The following TAS1R1 variants were observed in gnomAD, a reference collection of about 807,000 sequenced individuals.
TAS1R1 encodes the protein taste receptor type 1 member 1.
Under a neutral mutation model 45.8 loss-of-function variants are expected in TAS1R1, and 31 were observed. That is an observed-to-expected ratio of 0.68 (90% CI 0.51 to 0.91). The LOEUF is 0.91. Among genes scored for constraint, TAS1R1 ranks in the 40% least tolerant of loss-of-function variants. The pLI, the probability that TAS1R1 is intolerant of heterozygous loss-of-function variation, is 0.00. For synonymous variants in TAS1R1, 437 were observed against 448.4 expected (o/e 0.97, Z 0.32); for missense variants, 1,051 against 1,063.9 (o/e 0.99, Z 0.17).
intron 1 of TAS1R1, among the ~76,000 whole-genome samples, chr1:6,563,869 G>A (rs1041461994): frequency 6.6e-6 from 1 of 152,154 alleles, no homozygotes; most frequent in Non-Finnish European, 1.5e-5. Context: ...AGTCGAGAGT[G>A]GGAATTTGGG....
At chr1:6,578,203 G>A (rs1214623184) in intron 5 of TAS1R1, among the ~76,000 whole-genome samples, 1 of 152,182 alleles carries the variant, frequency 6.6e-6, no homozygotes, top group Non-Finnish European at 1.5e-5. Context: ...CACCATCTCT[G>A]TAGGGACAGG....
At chr1:6,556,573 G>A (rs553655764) in intron 1 of TAS1R1, among the ~76,000 whole-genome samples, 2 of 151,754 alleles carry the variant, frequency 1.3e-5, no homozygotes, top group Admixed American at 1.3e-4. Flanking sequence ...GCTAATTTTT[G>A]TATTTTTCGT....
intron 1 of TAS1R1, among the ~76,000 whole-genome samples, chr1:6,564,828 A>C (rs1639847782): frequency 6.6e-6 from 1 of 152,100 alleles, no homozygotes; most frequent in African/African-American, 2.4e-5. Flanking sequence ...AGTAAGAAGA[A>C]ATTTTGTCCT....
intron 1 of TAS1R1, among the ~76,000 whole-genome samples, chr1:6,569,890 A>G (rs1230362145): frequency 1.3e-5 from 2 of 152,076 alleles, no homozygotes; most frequent in Non-Finnish European, 2.9e-5. Flanking sequence ...GAGGTTGCCA[A>G]TAATGGGAGA....
intron 2 of TAS1R1, among the ~76,000 whole-genome samples, chr1:6,572,190 T>G (rs1200618585): frequency 6.6e-6 from 1 of 152,102 alleles, no homozygotes; most frequent in Non-Finnish European, 1.5e-5. Flanking sequence ...CACTCTTGCT[T>G]TCGCTGTGAG....
intron 1 of TAS1R1, among the ~76,000 whole-genome samples, chr1:6,557,460 G>C (rs767058156): frequency 2.6e-5 from 4 of 152,204 alleles, no homozygotes; most frequent in African/African-American, 4.8e-5. Flanking sequence ...ATGAGGTCTT[G>C]CTCTTTCCCC....
chr1:6,573,414 G>A (rs1239348161), intron 2 of TAS1R1, among the ~76,000 whole-genome samples: 4 of 151,964 alleles, frequency 2.6e-5, no homozygotes, highest in African/African-American at 9.7e-5. Context: ...CCAAGATCAC[G>A]CCACCGCACT....
At chr1:6,556,662 A>G (rs894644064) in intron 1 of TAS1R1, among the ~76,000 whole-genome samples, 3 of 150,842 alleles carry the variant, frequency 2.0e-5, no homozygotes, top group African/African-American at 7.3e-5. Context: ...TCGGCCTCCC[A>G]AAGTGCTAGG....
intron 1 of TAS1R1, among the ~76,000 whole-genome samples, chr1:6,564,189 G>T (rs376583023): frequency 6.6e-6 from 1 of 152,102 alleles, no homozygotes; most frequent in South Asian, 2.1e-4. Context: ...GTTTGGCTGC[G>T]GTGGGGATTG....
intron 3 of TAS1R1, among the ~76,000 whole-genome samples, chr1:6,575,691 CT>C (rs200684783): frequency 1.4e-4 from 12 of 83,916 alleles, no homozygotes; most frequent in South Asian, 1.4e-3. Flanking sequence ...GATAATTTTT[CT>C]TTTCTTTTTT....
chr1:6,569,087 G>A (rs540236610), intron 1 of TAS1R1, among the ~76,000 whole-genome samples: 28 of 151,168 alleles, frequency 1.9e-4, no homozygotes, highest in African/African-American at 5.4e-4. Flanking sequence ...GTGAAAATTC[G>A]GAGTCAGAGG....
intron 5 of TAS1R1, among the ~76,000 whole-genome samples, chr1:6,577,577 C>A (rs929982747): frequency 2.0e-5 from 3 of 151,522 alleles, no homozygotes; most frequent in Non-Finnish European, 4.4e-5. Context: ...GTAATCCCAG[C>A]ACTTTGGGAG....
chr1:6,555,603 C>T (rs775582518), intron 1 of TAS1R1, 39 bp downstream of exon 1: 15 of 1,521,886 alleles, frequency 9.9e-6, no homozygotes, highest in African/African-American at 1.4e-5. Context: ...TAGTGGGACC[C>T]CTGGCTATAG....
In TAS1R1 at chr1:6,574,671, G is replaced by A. The variant is rs149469671; in HGVS notation, c.539G>A (p.Arg180Gln). ...AASSETLSVK[R>Q]QYPSFLRTIP... is the part of the protein sequence containing the mutation. ...AGCAGCGAGACGCTCAGCGTGAAGC[G>A]GCAGTATCCCTCTTTCCTGCGCACC... Residue 180 changes from arginine (R) to glutamine (Q), a missense_variant, in exon 3 of 6, where the codon CGG becomes CAG. By Grantham distance (43) the Arg-to-Gln change is conservative. Coordinates refer to ENST00000333172, the MANE Select transcript of TAS1R1 (RefSeq NM_138697.4). The surrounding 1 kb of genome is among the most constrained non-coding windows in gnomAD (Gnocchi z 4.3). The A allele has an allele frequency of 3.3e-4, 529 of 1,613,130 alleles. No individual in the cohort carries two copies. The highest frequency in any genetic ancestry group is 1.7e-3 in the Middle Eastern group (10 of 6,056).
At chr1:6,569,032 G>C (rs1163984756) in intron 1 of TAS1R1, among the ~76,000 whole-genome samples, 2 of 152,112 alleles carry the variant, frequency 1.3e-5, no homozygotes, top group African/African-American at 4.8e-5. Context: ...GAGGAGGCTG[G>C]TTGAGGGGCA....
At chr1:6,561,702 G>A (rs1207038829) in intron 1 of TAS1R1, among the ~76,000 whole-genome samples, 5 of 137,702 alleles carry the variant, frequency 3.6e-5, no homozygotes, top group Non-Finnish European at 3.1e-5. Context: ...GCAACAGAAC[G>A]AGTTTCCGTC....
chr1:6,572,712 G>C (rs997607730), intron 2 of TAS1R1, among the ~76,000 whole-genome samples: 1 of 151,608 alleles, frequency 6.6e-6, no homozygotes, highest in African/African-American at 2.4e-5. Context: ...AGCAGGCTTC[G>C]CCCTCCTCTC....
chr1:6,577,180 C>T (rs1404006471), intron 5 of TAS1R1, 110 bp downstream of exon 5: 7 of 1,477,248 alleles, frequency 4.7e-6, no homozygotes, highest in Non-Finnish European at 5.5e-6. Context: ...AAGGCCCAGT[C>T]ACTGGGCTGC....
Position 6,574,726 on chromosome 1 carries a change from C to A in TAS1R1, c.594C>A (p.Thr198=). 6.2e-7 allele frequency: 1 copy of A among 1,614,242 alleles called. No homozygotes were observed. Among genetic ancestry groups the A allele is most frequent in the Non-Finnish European group, 8.5e-7 (1 of 1,180,042 alleles). Residue 198 remains threonine, a synonymous_variant, in exon 3 of 6, where the codon ACC becomes ACA. Coordinates refer to ENST00000333172, the MANE Select transcript of TAS1R1 (RefSeq NM_138697.4). This position sits in a 1 kb window ranked among gnomAD's most constrained non-coding sequence, Gnocchi z 4.3. ...CCAATGACAAGTACCAGGTGGAGAC[C>A]ATGGTGCTGCTGCTGCAGAAGTTCG... ...TIPNDKYQVE[T]MVLLLQKFGW... is the part of the protein sequence containing the mutation.
Sources: allele counts gnomAD v4.1 joint callset (sites outside exome capture counted in the v4.1 genomes callset), GRCh38; gene constraint gnomAD v4.1.1; non-coding constraint Gnocchi (gnomAD v3.1); transcripts MANE v1.5; gene names NCBI Gene and HGNC (gene_info 2026-07-23, HGNC 2026-07-21).